Variants in MAGI2 observed in about 807,000 individuals in gnomAD.
The protein encoded by MAGI2 is membrane-associated guanylate kinase, WW and PDZ domain-containing protein 2.
MAGI2 carries 35 observed loss-of-function variants against 133.3 expected under a neutral mutation model. The ratio of observed to expected loss-of-function variants is 0.26; its 90% CI spans 0.20 to 0.35. MAGI2 has a LOEUF of 0.35. Ranked by LOEUF, MAGI2 falls within the 10% of genes least tolerant of loss-of-function variation. The pLI, the probability that MAGI2 is intolerant of heterozygous loss-of-function variation, is 1.00. For missense variants in MAGI2, 1,636 were observed against 1,863.4 expected, an observed-to-expected ratio of 0.88 and a Z score of 2.25; for synonymous variants, 729 against 710.6, an observed-to-expected ratio of 1.03 and a Z score of -0.41.
intron 10 of MAGI2, among the ~76,000 whole-genome samples, chr7:78,250,376 A>G (rs1792264800): frequency 6.6e-6 from 1 of 152,148 alleles, no homozygotes; most frequent in African/African-American, 2.4e-5. Flanking sequence ...AGTAAAATTT[A>G]TGGAATTTAG....
intron 20 of MAGI2, among the ~76,000 whole-genome samples, chr7:78,106,041 C>T (rs769141991): frequency 5.3e-5 from 8 of 151,992 alleles, no homozygotes; most frequent in Non-Finnish European, 1.2e-4. Context: ...CGGTAATTAT[C>T]ATTCAAATCT....
intron 2 of MAGI2, chr7:78,940,951 T>A (rs1800915537): frequency 6.6e-6 from 1 of 152,192 alleles, no homozygotes; most frequent in African/African-American, 2.4e-5. Context: ...TACATAGAAC[T>A]TTAGAAAGAT....
At chr7:79,429,486 G>T (rs1177358610) in intron 1 of MAGI2, among the ~76,000 whole-genome samples, 1 of 151,942 alleles carries the variant, frequency 6.6e-6, no homozygotes, top group African/African-American at 2.4e-5. Context: ...TGTATTTTTA[G>T]TAGAGACGGG....
intron 12 of MAGI2, among the ~76,000 whole-genome samples, chr7:78,187,420 A>C (rs1029010110): frequency 6.6e-6 from 1 of 152,018 alleles, no homozygotes; most frequent in Non-Finnish European, 1.5e-5. Flanking sequence ...GTACAATAGA[A>C]CCTCCCCCAT....
intron 1 of MAGI2, among the ~76,000 whole-genome samples, chr7:79,431,604 A>G (rs1436662575): frequency 6.6e-6 from 1 of 152,308 alleles, no homozygotes; most frequent in East Asian, 1.9e-4. Context: ...TAATTCTTCT[A>G]AATGTTTATG....
chr7:78,070,584 GTA>G (rs199808042), intron 21 of MAGI2, among the ~76,000 whole-genome samples: 54,139 of 126,222 alleles, frequency 0.43, 11,835 homozygotes, highest in East Asian at 0.64. Context: ...GTATATATGT[GTA>G]TATATATGTG....
chr7:78,714,328 T>A (rs1276982635), intron 2 of MAGI2, among the ~76,000 whole-genome samples: 1 of 152,188 alleles, frequency 6.6e-6, no homozygotes, highest in African/African-American at 2.4e-5. Context: ...AAGCATTTTC[T>A]CCCTTCTGTT....
At chr7:78,748,842 A>G (rs1307820971) in intron 2 of MAGI2, among the ~76,000 whole-genome samples, 6 of 152,224 alleles carry the variant, frequency 3.9e-5, no homozygotes, top group Non-Finnish European at 7.3e-5. Context: ...TCAAAAATCA[A>G]AATACCTTTT....
At chr7:78,300,201 T>C (rs1562784096) in intron 9 of MAGI2, among the ~76,000 whole-genome samples, 1 of 152,222 alleles carries the variant, frequency 6.6e-6, no homozygotes, top group Non-Finnish European at 1.5e-5. Flanking sequence ...GCTATTACAC[T>C]TGCTGCTGGG....
chr7:78,819,007 T>C (rs1789850612), intron 2 of MAGI2, among the ~76,000 whole-genome samples: 1 of 152,086 alleles, frequency 6.6e-6, no homozygotes, highest in Non-Finnish European at 1.5e-5. Flanking sequence ...TGAGATATGG[T>C]TATTCACTTT....
chr7:78,610,927 A>C (rs1806369531), intron 3 of MAGI2, among the ~76,000 whole-genome samples: 1 of 152,232 alleles, frequency 6.6e-6, no homozygotes, highest in East Asian at 1.9e-4. Flanking sequence ...TCTTCCAAGC[A>C]CAGACTATGT....
chr7:79,452,694 C>T (rs543817339), intron 1 of MAGI2, among the ~76,000 whole-genome samples: 3 of 152,224 alleles, frequency 2.0e-5, no homozygotes, highest in African/African-American at 7.2e-5. Context: ...CCCAAAAGCT[C>T]TTCATCCGCT....
intron 1 of MAGI2, among the ~76,000 whole-genome samples, chr7:79,249,633 T>A (rs978287098): frequency 6.6e-6 from 1 of 152,022 alleles, no homozygotes; most frequent in African/African-American, 2.4e-5. Context: ...CAATAACAAG[T>A]AACAAGATTG....
chr7:78,091,485 C>T (rs1052942852), intron 20 of MAGI2, among the ~76,000 whole-genome samples: 2 of 152,174 alleles, frequency 1.3e-5, no homozygotes, highest in African/African-American at 4.8e-5. Context: ...TATGGTAGCA[C>T]AAACAGACTA....
chr7:79,399,221 A>G (rs533681475), intron 1 of MAGI2, among the ~76,000 whole-genome samples: 1 of 150,700 alleles, frequency 6.6e-6, no homozygotes, highest in South Asian at 2.1e-4. Flanking sequence ...CAGCCTCCTG[A>G]GTATCTGGAA....
intron 9 of MAGI2, among the ~76,000 whole-genome samples, chr7:78,308,407 C>T (rs867759431): frequency 7.2e-4 from 110 of 152,256 alleles, no homozygotes; most frequent in African/African-American, 2.6e-3. Flanking sequence ...TCTATTTCTG[C>T]ATACTGAAGT....
At chr7:78,087,297 C>T (rs775921238) in intron 20 of MAGI2, among the ~76,000 whole-genome samples, 2 of 152,084 alleles carry the variant, frequency 1.3e-5, no homozygotes, top group Non-Finnish European at 2.9e-5. Context: ...CTGTATGCTC[C>T]TTAGAGTTTA....
chr7:78,625,356 G>GA (rs1808234549), intron 3 of MAGI2, among the ~76,000 whole-genome samples: 1 of 151,318 alleles, frequency 6.6e-6, no homozygotes, highest in African/African-American at 2.4e-5. Flanking sequence ...ATTTTAAATA[G>GA]AAAAAAGCTT....
At chr7:78,539,191 A>G (rs1163250064) in intron 3 of MAGI2, among the ~76,000 whole-genome samples, 1 of 152,230 alleles carries the variant, frequency 6.6e-6, no homozygotes, top group Non-Finnish European at 1.5e-5. Context: ...TGTCCCTTCT[A>G]TGTCAATTTT....
Sources: allele counts gnomAD v4.1 joint callset (sites outside exome capture counted in the v4.1 genomes callset), GRCh38; gene constraint gnomAD v4.1.1; transcripts MANE v1.5; gene names NCBI Gene and HGNC (gene_info 2026-07-23, HGNC 2026-07-21).